Variants in EDNRA observed in about 807,000 individuals in gnomAD.
EDNRA encodes the protein endothelin receptor type A, also known as endothelin-1 receptor.
EDNRA carries 11 observed loss-of-function variants against 41.4 expected under a neutral mutation model. The ratio of observed to expected loss-of-function variants is 0.27; its 90% CI spans 0.17 to 0.44. The LOEUF is 0.44. Ranked by LOEUF, EDNRA falls within the 20% of genes least tolerant of loss-of-function variation. EDNRA has a pLI of 1.00. For synonymous variants in EDNRA, 172 were observed against 183.0 expected (o/e 0.94, Z 0.49); for missense variants, 294 against 531.0 (o/e 0.55, Z 4.39).
intron 2 of EDNRA, among the ~76,000 whole-genome samples, chr4:147,505,646 G>GT (rs70958567): frequency 0.33 from 35,068 of 105,188 alleles, 6,963 homozygotes; most frequent in African/African-American, 0.45. Flanking sequence ...CCCGCCGGCA[G>GT]TTTTTTTTTT....
intron 2 of EDNRA, among the ~76,000 whole-genome samples, chr4:147,505,215 AAGAGAG>A (rs60042535): frequency 5.2e-5 from 7 of 134,632 alleles, no homozygotes; most frequent in South Asian, 2.3e-4. Flanking sequence ...AAAAAAAAAA[AAGAGAG>A]AGAGAGAGAG....
intron 5 of EDNRA, 130 bp downstream of exon 5, chr4:147,536,159 TC>T: frequency 8.9e-7 from 1 of 1,128,852 alleles, no homozygotes; most frequent in Non-Finnish European, 1.2e-6. Flanking sequence ...GTAACTGTTT[TC>T]TTTATAGTAA....
At chr4:147,494,396 A>G (rs1729237567) in intron 2 of EDNRA, 1 of 152,298 alleles carries the variant, frequency 6.6e-6, no homozygotes, top group Non-Finnish European at 1.5e-5. Flanking sequence ...GGTGACCTCA[A>G]TACAAGGTGA....
chr4:147,539,746 G>C, intron 5 of EDNRA, 71 bp from the exon 6 acceptor site: 1 of 1,523,070 alleles, frequency 6.6e-7, no homozygotes, highest in Non-Finnish European at 8.9e-7. Flanking sequence ...CTACTTCTTG[G>C]TACTGTAGTT....
At chr4:147,530,484 G>C (rs1471298480) in intron 3 of EDNRA, among the ~76,000 whole-genome samples, 1 of 152,122 alleles carries the variant, frequency 6.6e-6, no homozygotes, top group East Asian at 1.9e-4. Context: ...TGGTCTGTTT[G>C]CATAGCTGTA....
chr4:147,540,916 T>C (rs1287744474), intron 7 of EDNRA, among the ~76,000 whole-genome samples: 1 of 151,884 alleles, frequency 6.6e-6, no homozygotes, highest in African/African-American at 2.4e-5. Context: ...ACCCTGTCTC[T>C]ACTAAAAATA....
chr4:147,499,231 A>G (rs1729423703), intron 2 of EDNRA, among the ~76,000 whole-genome samples: 1 of 152,038 alleles, frequency 6.6e-6, no homozygotes, highest in African/African-American at 2.4e-5. Context: ...AATTTTTTGA[A>G]TTTTTGTAAA....
chr4:147,526,280 A>G (rs1234203041), intron 3 of EDNRA, among the ~76,000 whole-genome samples: 1 of 152,230 alleles, frequency 6.6e-6, no homozygotes, highest in African/African-American at 2.4e-5. Flanking sequence ...CAACCGTTTT[A>G]TCATATCTCA....
rs1242636355 is a variant in EDNRA at position 147,543,955 on chromosome 4, C to T, written c.*1337C>T. On this transcript the variant is annotated 3_prime_UTR_variant, in exon 8 of 8. Coordinates refer to ENST00000651419, the MANE Select transcript of EDNRA (RefSeq NM_001957.4). ...GGGCATTTTCCCAGATGTTTACAGA[C>T]TGTGAGTACAGCAGAAAATCTTTTA... The T allele has an allele frequency of 1.3e-5, 2 of 152,492 alleles. No homozygotes were observed. The highest frequency in any genetic ancestry group is 2.9e-5 in the Non-Finnish European group (2 of 68,028). 9.4% of individuals were successfully genotyped at this position (152,492 alleles called of 1,614,324 possible). A position where few individuals can be genotyped will look rare whatever the true frequency, so the allele number is the denominator to read the frequency against.
chr4:147,483,509 T>A (rs999953154), intron 1 of EDNRA, among the ~76,000 whole-genome samples: 1 of 152,156 alleles, frequency 6.6e-6, no homozygotes, highest in African/African-American at 2.4e-5. Flanking sequence ...GGGGGAAATC[T>A]CTGGGGAAGG....
intron 2 of EDNRA, chr4:147,506,847 T>C (rs138144609): frequency 6.0e-6 from 1 of 166,442 alleles, no homozygotes; most frequent in Non-Finnish European, 1.4e-5. Flanking sequence ...GAACACCGTA[T>C]GTTAATGGGG....
chr4:147,515,852 A>G (rs1409758036), intron 2 of EDNRA, among the ~76,000 whole-genome samples: 1 of 152,178 alleles, frequency 6.6e-6, no homozygotes, highest in Non-Finnish European at 1.5e-5. Context: ...CAGGGTGCAT[A>G]TCAGTGTATC....
chr4:147,542,873 G>T lies in EDNRA; in HGVS notation c.*255G>T. ...CAGCACTAAAAAATGGTGGGAGCTG[G>T]GGGAGAATGAAGACTGTTAAATGAA... On this transcript the variant is annotated 3_prime_UTR_variant, in exon 8 of 8. Transcript: ENST00000651419. The T allele has an allele frequency of 2.7e-6, 1 of 366,976 alleles. No homozygotes were observed. Among genetic ancestry groups the T allele is most frequent in the Non-Finnish European group, 4.9e-6 (1 of 205,094 alleles). The allele number at this position is 366,976 out of a possible 1,614,324, so 22.7% of individuals were successfully genotyped here.
At chr4:147,504,126 C>G (rs889510587) in intron 2 of EDNRA, among the ~76,000 whole-genome samples, 12 of 151,804 alleles carry the variant, frequency 7.9e-5, no homozygotes, top group African/African-American at 2.7e-4. Flanking sequence ...AAACTCTAGC[C>G]TCACAAAAAA....
chr4:147,534,967 C>G (rs936960173), intron 4 of EDNRA, among the ~76,000 whole-genome samples: 1 of 152,102 alleles, frequency 6.6e-6, no homozygotes, highest in African/African-American at 2.4e-5. Context: ...TAGCCTCTTT[C>G]TATATTCAGA....
chr4:147,532,490 T>C lies in EDNRA; in HGVS notation c.549-16T>C. The C allele has an allele frequency of 1.9e-6, 3 of 1,613,366 alleles. No homozygotes were observed. The African/African-American group carries it at 4.0e-5, about 22-fold the overall frequency. ...AAAATTTCCTAACAACTTGGTTCCA[T>C]TACCCTTTTTTTCAGGTACAGAGCA... On this transcript the variant is annotated splice_polypyrimidine_tract_variant and intron_variant, in intron 3 of 7. Transcript: ENST00000651419.
At position 147,519,440 on chromosome 4, in the gene EDNRA, C is replaced by T. The variant is rs1032477979; in HGVS notation, c.421-411C>T. ...TCAGTTGAGCTGTCTCCCAAAATCC[C>T]AAACTTTTACTACTGTTTGAAAAGT... is the stretch of plus-strand genomic sequence containing the variant. On this transcript the variant is annotated intron_variant, in intron 2 of 7. Coordinates refer to ENST00000651419, the MANE Select transcript of EDNRA (RefSeq NM_001957.4). The surrounding 1 kb of genome is among the most constrained non-coding windows in gnomAD (Gnocchi z 4.1). Among the ~76,000 whole-genome samples, 1 of 152,058 alleles carries T rather than the reference C, an allele frequency of 6.6e-6. No individual in the cohort carries two copies. Among genetic ancestry groups the T allele is most frequent in the Middle Eastern group, 3.4e-3 (1 of 294 alleles).
chr4:147,482,247 T>G (rs187804058), intron 1 of EDNRA, among the ~76,000 whole-genome samples: 4 of 152,332 alleles, frequency 2.6e-5, no homozygotes, highest in Non-Finnish European at 5.9e-5. Flanking sequence ...CTCATGCCAT[T>G]TTGATAAGGT....
chr4:147,532,415 G>T, intron 3 of EDNRA, 91 bp from the exon 4 acceptor site: 1 of 1,077,720 alleles, frequency 9.3e-7, no homozygotes, highest in Non-Finnish European at 1.4e-6. Flanking sequence ...TATTGGCAAT[G>T]AGGAGGAACT....
Sources: gnomAD v4.1 joint callset for allele counts (sites outside exome capture counted in the v4.1 genomes callset) on GRCh38, gnomAD v4.1.1 for gene constraint, Gnocchi (gnomAD v3.1) non-coding constraint, MANE v1.5 for transcripts, NCBI Gene and HGNC (gene_info 2026-07-23, HGNC 2026-07-21) for gene names.